The following MAP4K4 variants were observed in gnomAD, a reference collection of about 807,000 sequenced individuals.
MAP4K4 encodes mitogen-activated protein kinase kinase kinase kinase 4, also known as HPK/GCK-like kinase HGK.
A neutral mutation model predicts 189.6 loss-of-function variants in MAP4K4; 38 were observed. The observed-to-expected ratio is 0.20, with a 90% confidence interval of 0.15 to 0.26. The LOEUF is 0.26. MAP4K4 is among the 10% of genes least tolerant of loss of function. MAP4K4 has a pLI of 1.00. For synonymous variants in MAP4K4, 610 were observed against 624.3 expected (o/e 0.98, Z 0.34); for missense variants, 1,054 against 1,726.9 (o/e 0.61, Z 6.91).
chr2:101,712,436 T>C (rs1338827760), intron 2 of MAP4K4, among the ~76,000 whole-genome samples: 1 of 152,168 alleles, frequency 6.6e-6, no homozygotes, highest in Non-Finnish European at 1.5e-5. Flanking sequence ...CCTCGTGATC[T>C]GCCTGCCTTG....
intron 3 of MAP4K4, among the ~76,000 whole-genome samples, chr2:101,818,473 C>G (rs924610416): frequency 2.0e-5 from 3 of 152,160 alleles, no homozygotes; most frequent in Non-Finnish European, 4.4e-5. Flanking sequence ...GAACATTTTC[C>G]AGTCCTCTTG....
At position 101,759,147 on chromosome 2, in the gene MAP4K4, A is replaced by AC. The variant is rs557643907; in HGVS notation, c.124-31573_124-31572insC. ...GACTCCATCTCAAAAAAAAAGAAAAAAAAAAAAGAAGGGTTGCCATTTCGT... is the reference window on the plus strand; with the variant it reads ...GACTCCATCTCAAAAAAAAAGAAAAACAAAAAAAGAAGGGTTGCCATTTCGT... On this transcript the variant is annotated intron_variant, in intron 2 of 32. Transcript: ENST00000324219. Among the ~76,000 whole-genome samples the AC allele has an allele frequency of 1.1e-3, 163 of 150,640 alleles. 2 individuals carry two copies. The highest frequency in any genetic ancestry group is 3.8e-3 in the African/African-American group (156 of 40,918).
chr2:101,812,526 A>G (rs1176930536), intron 3 of MAP4K4, among the ~76,000 whole-genome samples: 1 of 152,178 alleles, frequency 6.6e-6, no homozygotes, highest in Admixed American at 6.5e-5. Context: ...CAAGTTAATG[A>G]ACTGTTTTAA....
intron 12 of MAP4K4, among the ~76,000 whole-genome samples, chr2:101,850,914 T>G (rs1353603269): frequency 6.7e-6 from 1 of 149,464 alleles, no homozygotes; most frequent in Non-Finnish European, 1.5e-5. Context: ...AACTCAGGGG[T>G]TGATGGTATA....
intron 10 of MAP4K4, 147 bp downstream of exon 10, chr2:101,840,141 C>T: frequency 1.4e-6 from 1 of 703,230 alleles, no homozygotes; most frequent in Non-Finnish European, 2.2e-6. Flanking sequence ...AGTGCTTAGG[C>T]CTGGGGTCCA....
rs1229619992 is a variant in MAP4K4 at position 101,859,008 on chromosome 2, C to T, written c.1408C>T (p.Arg470Ter). Residue 470 changes from arginine (R) to a stop codon, truncating the protein, a stop_gained, in exon 14 of 33, where the codon CGA becomes TGA. Transcript: ENST00000324219. LOFTEE classifies it high-confidence loss of function. ...TTCTGTGTGACAGGAGTATATCAGGCGACAGCTAGAAGAGGAGCAGCGGCA... is the reference window on the plus strand; with the variant it reads ...TTCTGTGTGACAGGAGTATATCAGGTGACAGCTAGAAGAGGAGCAGCGGCA... The T allele has an allele frequency of 1.2e-6, 2 of 1,611,492 alleles. No individual in the cohort carries two copies. Among genetic ancestry groups the T allele is most frequent in the Non-Finnish European group, 1.7e-6 (2 of 1,178,478 alleles).
At chr2:101,866,714 C>T in intron 19 of MAP4K4, 135 bp downstream of exon 19, 1 of 1,087,748 alleles carries the variant, frequency 9.2e-7, no homozygotes, top group Non-Finnish European at 1.3e-6. Flanking sequence ...TTGCTAGTGA[C>T]AATAATAGTC....
At chr2:101,882,770 G>A (rs2098419874) in intron 28 of MAP4K4, 85 bp downstream of exon 28, 1 of 1,349,610 alleles carries the variant, frequency 7.4e-7, no homozygotes, top group Non-Finnish European at 1.0e-6. Flanking sequence ...CAGGTTTTTT[G>A]AAGTTTGTAA....
chr2:101,702,966 G>T (rs548885846), intron 2 of MAP4K4, among the ~76,000 whole-genome samples: 1 of 152,332 alleles, frequency 6.6e-6, no homozygotes, highest in South Asian at 2.1e-4. Flanking sequence ...GTAGGGCTAA[G>T]AGTGACCTTT....
In MAP4K4 at chr2:101,753,498, T is replaced by C. The variant is rs548768594; in HGVS notation, c.124-37222T>C. The stretch of plus-strand genomic sequence containing the variant: ...GCAAAATAGGGTAGATATCCATCTT[T>C]TTTTGTTGAGGTTCTGGACTCTGAA... On this transcript the variant is annotated intron_variant, in intron 2 of 32. Coordinates refer to ENST00000324219, the Ensembl canonical transcript of MAP4K4. Among the ~76,000 whole-genome samples the C allele has an allele frequency of 3.0e-4, 46 of 152,332 alleles. No individual in the cohort carries two copies. In the South Asian group the frequency reaches 9.1e-3, roughly 30 times the overall value.
chr2:101,778,442 T>C (rs2085471855), intron 2 of MAP4K4, among the ~76,000 whole-genome samples: 1 of 152,014 alleles, frequency 6.6e-6, no homozygotes, highest in Non-Finnish European at 1.5e-5. Context: ...TAGCCCAGGC[T>C]TTGCCCACAC....
chr2:101,819,703 C>T (rs1420186319), intron 3 of MAP4K4, among the ~76,000 whole-genome samples: 2 of 152,184 alleles, frequency 1.3e-5, no homozygotes, highest in African/African-American at 2.4e-5. Flanking sequence ...GATGTGATCA[C>T]TGTATTTCTG....
At chr2:101,878,403 T>G (rs1019217135) in intron 27 of MAP4K4, among the ~76,000 whole-genome samples, 2 of 152,196 alleles carry the variant, frequency 1.3e-5, no homozygotes, top group Non-Finnish European at 2.9e-5. Context: ...TTCCTGAAGT[T>G]AGGGTGTATG....
At chr2:101,778,008 A>G (rs1027996046) in intron 2 of MAP4K4, among the ~76,000 whole-genome samples, 1 of 152,156 alleles carries the variant, frequency 6.6e-6, no homozygotes, top group Non-Finnish European at 1.5e-5. Context: ...TTGCTGGAAG[A>G]GTTTCAATTC....
chr2:101,840,231 A>T (rs969230380), intron 10 of MAP4K4, among the ~76,000 whole-genome samples: 1 of 152,012 alleles, frequency 6.6e-6, no homozygotes, highest in African/African-American at 2.4e-5. Context: ...TTGCGATGGG[A>T]TGCTTTTCTT....
At chr2:101,811,038 A>G (rs767006073) in intron 3 of MAP4K4, among the ~76,000 whole-genome samples, 9 of 152,092 alleles carry the variant, frequency 5.9e-5, no homozygotes, top group Non-Finnish European at 1.3e-4. Context: ...CTTTTAACAG[A>G]CTTATTTTAT....
At chr2:101,807,615 G>C (rs965137027) in intron 3 of MAP4K4, among the ~76,000 whole-genome samples, 1 of 152,166 alleles carries the variant, frequency 6.6e-6, no homozygotes, top group Non-Finnish European at 1.5e-5. Flanking sequence ...AATTTATAAA[G>C]AGGTTTAATT....
chr2:101,709,969 G>C (rs2044485767), intron 2 of MAP4K4, among the ~76,000 whole-genome samples: 1 of 152,080 alleles, frequency 6.6e-6, no homozygotes, highest in Non-Finnish European at 1.5e-5. Context: ...TTATACTGCA[G>C]AGCTTTCGTT....
At chr2:101,746,881 T>G (rs1001086336) in intron 2 of MAP4K4, among the ~76,000 whole-genome samples, 1 of 152,144 alleles carries the variant, frequency 6.6e-6, no homozygotes, top group African/African-American at 2.4e-5. Context: ...GTGTATATTG[T>G]TGCTTAAACA....
Sources: gnomAD v4.1 joint callset for allele counts (sites outside exome capture counted in the v4.1 genomes callset) on GRCh38, gnomAD v4.1.1 for gene constraint, MANE v1.5 for transcripts, NCBI Gene and HGNC (gene_info 2026-07-23, HGNC 2026-07-21) for gene names.